Variants in OARD1 observed in about 807,000 individuals in gnomAD.
OARD1 encodes O-acyl-ADP-ribose deacylase 1.
A neutral mutation model predicts 19.7 loss-of-function variants in OARD1; 19 were observed. The observed-to-expected ratio is 0.96, with a 90% confidence interval of 0.67 to 1.41. OARD1 has a LOEUF of 1.41. OARD1 is among the 40% of genes most tolerant of loss of function. OARD1 has a pLI of 0.00. For synonymous variants in OARD1, 70 were observed against 61.8 expected, an observed-to-expected ratio of 1.13 and a Z score of -0.62; for missense variants, 190 against 183.8, an observed-to-expected ratio of 1.03 and a Z score of -0.20.
At chr6:41,070,791 T>G in intron 3 of OARD1, 1 of 500,014 alleles carries the variant, frequency 2.0e-6, no homozygotes, top group Non-Finnish European at 3.5e-6. Flanking sequence ...GAAGAAGAGG[T>G]TTCTAAATTC....
At chr6:41,073,613 T>C (rs540391138), upstream of OARD1, among the ~76,000 whole-genome samples, 1 of 151,766 alleles carries the variant, frequency 6.6e-6, no homozygotes, top group Non-Finnish European at 1.5e-5. Flanking sequence ...CTGCAGCCCC[T>C]CTAGGTCGGG....
chr6:41,073,057 G>C (rs1171769995), upstream of OARD1: 3 of 153,902 alleles, frequency 1.9e-5, no homozygotes, highest in Admixed American at 6.5e-5. Flanking sequence ...CAATCAGCGC[G>C]GGCAGCGAAC....
At chr6:41,089,016 C>T (rs995360964) in intron 1 of OARD1, among the ~76,000 whole-genome samples, 7 of 152,186 alleles carry the variant, frequency 4.6e-5, no homozygotes, top group East Asian at 1.9e-4. Flanking sequence ...GACGGAATCT[C>T]GCTCTGTCGC....
chr6:41,091,559 C>T (rs757401639), intron 1 of OARD1: 1 of 1,614,134 alleles, frequency 6.2e-7, no homozygotes, highest in East Asian at 2.2e-5. Flanking sequence ...TGATCACTAT[C>T]CCAGCAGCCA....
intron 5 of OARD1, 72 bp from the exon 6 acceptor site, chr6:41,067,509 TA>T: frequency 9.9e-7 from 1 of 1,009,596 alleles, no homozygotes; most frequent in East Asian, 2.5e-5. Context: ...TTTTAAGCTA[TA>T]TCCACTCAAA....
rs975932571 is a variant in OARD1 at position 41,066,318 on chromosome 6, G to A, written c.*1017C>T. 2.0e-5 allele frequency: 3 copies of A among 151,642 alleles called. No homozygotes were observed. Among genetic ancestry groups the A allele is most frequent in the Non-Finnish European group, 2.9e-5 (2 of 67,922 alleles). 9.4% of individuals were successfully genotyped at this position (151,642 alleles called of 1,614,324 possible). ...ATTTTTAATTTCTTTTTTTTTTGTA[G>A]AGACAGGGTCTCGCTATGTTAACCA... On this transcript the variant is annotated 3_prime_UTR_variant, in exon 6 of 6. Transcript: ENST00000424266.
In OARD1 at chr6:41,071,664, G is replaced by A. The variant is rs748062501; in HGVS notation, c.-30C>T. On this transcript the variant is annotated 5_prime_UTR_variant, in exon 2 of 6. Coordinates refer to ENST00000424266, the MANE Select transcript of OARD1 (RefSeq NM_001329686.2). ...CTGAGTCGCTATTTCCAGAATTTAA[G>A]TGTTTCTTCAGCTATGAGAAGGGAA... 6.2e-7 allele frequency: 1 copy of A among 1,600,422 alleles called. No individual in the cohort carries two copies. Among genetic ancestry groups the A allele is most frequent in the Non-Finnish European group, 8.6e-7 (1 of 1,167,572 alleles).
chr6:41,096,848 C>G (rs145951740), intron 1 of OARD1, among the ~76,000 whole-genome samples: 1 of 152,230 alleles, frequency 6.6e-6, no homozygotes, highest in Non-Finnish European at 1.5e-5. Flanking sequence ...ACTTTCTGAC[C>G]CTGACCCTAG....
upstream of OARD1, among the ~76,000 whole-genome samples, chr6:41,077,469 G>T (rs991808377): frequency 6.6e-6 from 1 of 152,256 alleles, no homozygotes; most frequent in East Asian, 1.9e-4. Flanking sequence ...GTCTTTTGGA[G>T]ATTTTATATA....
chr6:41,069,069 C>G, intron 4 of OARD1, 116 bp from the exon 5 acceptor site: 1 of 584,714 alleles, frequency 1.7e-6, no homozygotes, highest in Admixed American at 3.3e-5. Context: ...TAGAATTAGT[C>G]TAGAGCAAGG....
chr6:41,071,742 G>T lies in OARD1; in HGVS notation c.-41-67C>A, dbSNP rs542091873. 13 of 879,582 alleles carry T rather than the reference G, an allele frequency of 1.5e-5. No individual in the cohort carries two copies. The South Asian group carries it at 1.6e-4, about 11-fold the overall frequency. The allele number at this position is 879,582 out of a possible 1,614,324, so 54.5% of individuals were successfully genotyped here. On this transcript the variant is annotated intron_variant, in intron 1 of 5. Coordinates refer to ENST00000424266, the MANE Select transcript of OARD1 (RefSeq NM_001329686.2). The stretch of plus-strand genomic sequence containing the variant: ...TAGTATATAATATTCTGATTGCCCT[G>T]TACAACCACTTAATAGGCTTTTTTC...
intron 1 of OARD1, among the ~76,000 whole-genome samples, chr6:41,088,829 C>G (rs1227239832): frequency 6.6e-6 from 1 of 151,172 alleles, no homozygotes; most frequent in Non-Finnish European, 1.5e-5. Context: ...AATCTGCTCG[C>G]CTCAGCCTCC....
At chr6:41,069,163 C>T (rs1258145982) in intron 4 of OARD1, 3 of 393,242 alleles carry the variant, frequency 7.6e-6, no homozygotes, top group Non-Finnish European at 1.4e-5. Flanking sequence ...GAAACCCAGA[C>T]TCTGCCACGT....
At chr6:41,071,330 A>C (rs1392667454) in intron 2 of OARD1, 54 bp from the exon 3 acceptor site, 3 of 1,540,240 alleles carry the variant, frequency 1.9e-6, no homozygotes, top group African/African-American at 1.4e-5. Flanking sequence ...GTAAAATACT[A>C]AGCTATTTTT....
At chr6:41,078,335 G>A (rs1353048255) in intron 1 of OARD1, among the ~76,000 whole-genome samples, 1 of 152,200 alleles carries the variant, frequency 6.6e-6, no homozygotes, top group Non-Finnish European at 1.5e-5. Context: ...ATAATGAGCA[G>A]CTCAGTTAGG....
chr6:41,091,754 C>T (rs1764201381), intron 1 of OARD1: 1 of 1,575,666 alleles, frequency 6.3e-7, no homozygotes, highest in South Asian at 1.2e-5. Flanking sequence ...CAACTTGATG[C>T]CTCCTAAAAT....
At chr6:41,083,293 C>G (rs950807460) in intron 1 of OARD1, among the ~76,000 whole-genome samples, 4 of 152,194 alleles carry the variant, frequency 2.6e-5, no homozygotes, top group Non-Finnish European at 4.4e-5. Context: ...CTTGACTGCT[C>G]TGTGTAATTT....
intron 1 of OARD1, among the ~76,000 whole-genome samples, chr6:41,088,445 A>AT (rs1764108088): frequency 1.3e-5 from 2 of 150,048 alleles, no homozygotes; most frequent in East Asian, 2.0e-4. Context: ...AAAAAAAAAA[A>AT]TTTATTTTAT....
intron 4 of OARD1, chr6:41,069,449 G>A: frequency 6.4e-6 from 1 of 155,384 alleles, no homozygotes; most frequent in South Asian, 2.0e-4. Flanking sequence ...TAAGCTTTAA[G>A]GACAGAATTC....
Sources: gnomAD v4.1 joint callset for allele counts (sites outside exome capture counted in the v4.1 genomes callset) on GRCh38, gnomAD v4.1.1 for gene constraint, MANE v1.5 for transcripts, NCBI Gene and HGNC (gene_info 2026-07-23, HGNC 2026-07-21) for gene names.